The following PDE12 variants were observed in gnomAD, a reference collection of about 807,000 sequenced individuals.
PDE12 encodes phosphodiesterase 12.
In PDE12, 26 loss-of-function variants were observed where a neutral mutation model predicts 45.4. That is an observed-to-expected ratio of 0.57 (90% CI 0.42 to 0.79). The LOEUF is 0.79. Among genes scored for constraint, PDE12 ranks in the 30% least tolerant of loss-of-function variants. PDE12 has a pLI of 0.00. For synonymous variants in PDE12, 283 were observed against 323.9 expected (o/e 0.87, Z 1.36); for missense variants, 668 against 790.0 (o/e 0.85, Z 1.85).
chr3:57,628,981 A>G, the PDE12 span: 1 of 1,069,758 alleles, frequency 9.3e-7, no homozygotes, highest in Non-Finnish European at 1.4e-6. Context: ...AAAGACAAGA[A>G]GGAAAAGGAG....
chr3:57,578,894 G>T, the PDE12 span, among the ~76,000 whole-genome samples: 1 of 151,496 alleles, frequency 6.6e-6, no homozygotes, highest in Non-Finnish European at 1.5e-5. Flanking sequence ...TAGAAAAGGG[G>T]GGGGGCAAAA....
In PDE12 at chr3:57,562,184, T is replaced by A; in HGVS notation, c.*2180T>A. 1.2e-6 allele frequency: 1 copy of A among 852,900 alleles called. No homozygotes were observed. 52.8% of individuals were successfully genotyped at this position (852,900 alleles called of 1,614,324 possible). Reference sequence around the variant, plus strand: ...TGAGAAACATTTTGAAAGAAAAAATTCGAACATGCCCATGAAAAAAGCATA... The same window carrying A: ...TGAGAAACATTTTGAAAGAAAAAATACGAACATGCCCATGAAAAAAGCATA... On this transcript the variant is annotated 3_prime_UTR_variant, in exon 3 of 3. Transcript: ENST00000311180.
chr3:57,596,448 G>C, the PDE12 span, among the ~76,000 whole-genome samples: 90 of 152,310 alleles, frequency 5.9e-4, no homozygotes, highest in African/African-American at 2.1e-3. Context: ...CGGAGAATGA[G>C]ATTAACAAGG....
At chr3:57,579,841 C>T in the PDE12 span, among the ~76,000 whole-genome samples, 22 of 152,214 alleles carry the variant, frequency 1.4e-4, 1 homozygote, top group Non-Finnish European at 1.0e-4. Flanking sequence ...TGGCATGGCA[C>T]CTCTAATCCC....
At chr3:57,569,991 A>T (rs2153408063), downstream of PDE12, among the ~76,000 whole-genome samples, 1 of 152,202 alleles carries the variant, frequency 6.6e-6, no homozygotes, top group East Asian at 1.9e-4. Context: ...TTATTCACTG[A>T]TGTTTTATAT....
Position 57,564,184 on chromosome 3 carries a change from C to T in PDE12, c.*4180C>T, listed in dbSNP as rs2069756147. The stretch of plus-strand genomic sequence containing the variant: ...ACTCAAGTGATCTGCCTGCCTCAGC[C>T]TCTGAAAGTGCTGGGATTACAGGCA... On this transcript the variant is annotated 3_prime_UTR_variant, in exon 3 of 3. Transcript: ENST00000311180. The T allele has an allele frequency of 6.6e-6, 1 of 152,108 alleles. No homozygotes were observed. Among genetic ancestry groups the T allele is most frequent in the Non-Finnish European group, 1.5e-5 (1 of 68,032 alleles). The allele number at this position is 152,108 out of a possible 1,614,324, so 9.4% of individuals were successfully genotyped here. A position where few individuals can be genotyped will look rare whatever the true frequency, so the allele number is the denominator to read the frequency against.
chr3:57,631,066 TA>T, the PDE12 span: 1 of 1,204,000 alleles, frequency 8.3e-7, no homozygotes, highest in Non-Finnish European at 1.2e-6. Context: ...TTTAAGTTTT[TA>T]ATCATATGCC....
At chr3:57,613,741 A>T in the PDE12 span, among the ~76,000 whole-genome samples, 11 of 151,814 alleles carry the variant, frequency 7.2e-5, no homozygotes, top group East Asian at 2.0e-3. Flanking sequence ...TCTACTAAAA[A>T]TACAAAAAAA....
In PDE12 at chr3:57,560,537, G is replaced by C. The variant is rs1477235161; in HGVS notation, c.*533G>C. On this transcript the variant is annotated 3_prime_UTR_variant, in exon 3 of 3. Coordinates refer to ENST00000311180, the MANE Select transcript of PDE12 (RefSeq NM_177966.7). ...AATGGGGTTTCGCCACGTTGGCCAGGCTGGTCTTGAACTCCTGACCTCAGG... is the reference window on the plus strand; with the variant it reads ...AATGGGGTTTCGCCACGTTGGCCAGCCTGGTCTTGAACTCCTGACCTCAGG... 11 of 561,590 alleles carry C rather than the reference G, an allele frequency of 2.0e-5. No homozygotes were observed. Among genetic ancestry groups the C allele is most frequent in the Non-Finnish European group, 2.5e-5 (11 of 443,120 alleles). 34.8% of individuals were successfully genotyped at this position (561,590 alleles called of 1,614,324 possible).
At chr3:57,622,992 A>T in the PDE12 span, among the ~76,000 whole-genome samples, 1 of 152,208 alleles carries the variant, frequency 6.6e-6, no homozygotes, top group Non-Finnish European at 1.5e-5. Flanking sequence ...GAATATGTTC[A>T]CTATCTTGGC....
chr3:57,611,653 A>G, the PDE12 span, among the ~76,000 whole-genome samples: 1 of 152,210 alleles, frequency 6.6e-6, no homozygotes, highest in Non-Finnish European at 1.5e-5. Context: ...ATCACTGGCC[A>G]TCAAAGAAAT....
chr3:57,609,085 T>G, the PDE12 span, among the ~76,000 whole-genome samples: 2 of 152,132 alleles, frequency 1.3e-5, no homozygotes, highest in African/African-American at 4.8e-5. Flanking sequence ...AGAAACTCAC[T>G]CAAAACCGCT....
the PDE12 span, among the ~76,000 whole-genome samples, chr3:57,606,366 A>C: frequency 1.3e-5 from 2 of 152,164 alleles, no homozygotes; most frequent in Admixed American, 1.3e-4. Context: ...GTCAGCCTAG[A>C]AATCTATGTC....
chr3:57,591,467 TTTTC>T, the PDE12 span, among the ~76,000 whole-genome samples: 20 of 145,696 alleles, frequency 1.4e-4, no homozygotes, highest in African/African-American at 3.7e-4. Flanking sequence ...TTCTCTTTTC[TTTTC>T]TTTTTTTTTT....
the PDE12 span, among the ~76,000 whole-genome samples, chr3:57,636,326 G>T: frequency 3.9e-5 from 6 of 152,116 alleles, no homozygotes; most frequent in Non-Finnish European, 7.4e-5. Flanking sequence ...AACTGTCCCA[G>T]TAATAATTTT....
the PDE12 span, among the ~76,000 whole-genome samples, chr3:57,618,236 C>T: frequency 6.6e-6 from 1 of 152,156 alleles, no homozygotes; most frequent in South Asian, 2.1e-4. Context: ...CTCAGCATCA[C>T]ACAATATATC....
the PDE12 span, chr3:57,630,212 C>T: frequency 1.7e-5 from 8 of 473,198 alleles, no homozygotes; most frequent in Admixed American, 1.7e-4. Flanking sequence ...TCATAACACA[C>T]CTACCTCAAA....
the PDE12 span, among the ~76,000 whole-genome samples, chr3:57,605,215 G>A: frequency 2.7e-3 from 416 of 152,248 alleles, 1 homozygote; most frequent in African/African-American, 9.6e-3. Flanking sequence ...TCTTTGAGCC[G>A]AGAGTCTAGG....
the PDE12 span, chr3:57,584,556 T>C: frequency 1.7e-6 from 2 of 1,162,350 alleles, no homozygotes; most frequent in East Asian, 4.7e-5. Flanking sequence ...AACTAGAAGT[T>C]GACTGTTCAA....
Sources: allele counts gnomAD v4.1 joint callset (sites outside exome capture counted in the v4.1 genomes callset), GRCh38; gene constraint gnomAD v4.1.1; transcripts MANE v1.5; gene names NCBI Gene and HGNC (gene_info 2026-07-23, HGNC 2026-07-21).